Variants in GABRA1 observed in about 807,000 individuals in gnomAD.
GABRA1 encodes the protein gamma-aminobutyric acid receptor subunit alpha-1.
In GABRA1, 9 loss-of-function variants were observed where a neutral mutation model predicts 48.9. The observed-to-expected ratio is 0.18, with a 90% confidence interval of 0.11 to 0.32. The LOEUF (loss-of-function observed/expected upper bound fraction) is 0.32. GABRA1 is among the 10% of genes least tolerant of loss of function. GABRA1 has a pLI of 1.00. For synonymous variants in GABRA1, 210 were observed against 198.7 expected (o/e 1.06, Z -0.48); for missense variants, 285 against 553.8 (o/e 0.51, Z 4.87).
intron 6 of GABRA1, 53 bp downstream of exon 6, chr5:161,875,695 C>A: frequency 7.7e-7 from 1 of 1,301,408 alleles, no homozygotes; most frequent in Non-Finnish European, 1.1e-6. Context: ...AGCAAGAGAT[C>A]TCTAGCTATA....
At chr5:161,855,082 A>G (rs1395402475) in intron 3 of GABRA1, among the ~76,000 whole-genome samples, 1 of 151,610 alleles carries the variant, frequency 6.6e-6, no homozygotes, top group Non-Finnish European at 1.5e-5. Context: ...CCAAGGTTAG[A>G]ATCCATGATT....
intron 4 of GABRA1, among the ~76,000 whole-genome samples, chr5:161,866,498 A>G (rs1377641679): frequency 6.6e-6 from 1 of 152,126 alleles, no homozygotes; most frequent in Non-Finnish European, 1.5e-5. Flanking sequence ...GAAACATACC[A>G]TTATGAATAT....
chr5:161,883,846 T>C (rs1174035331), intron 7 of GABRA1, among the ~76,000 whole-genome samples: 1 of 152,116 alleles, frequency 6.6e-6, no homozygotes, highest in African/African-American at 2.4e-5. Context: ...AAGCCCTCAT[T>C]GCTAGCCCAG....
At chr5:161,861,462 G>A (rs1165174818) in intron 3 of GABRA1, among the ~76,000 whole-genome samples, 2 of 151,750 alleles carry the variant, frequency 1.3e-5, no homozygotes, top group Admixed American at 6.6e-5. Context: ...AAGATAAATA[G>A]CTCCTGCAAT....
At chr5:161,884,841 C>T (rs907433205) in intron 7 of GABRA1, among the ~76,000 whole-genome samples, 5 of 152,010 alleles carry the variant, frequency 3.3e-5, no homozygotes, top group Non-Finnish European at 7.4e-5. Flanking sequence ...TTACTATAAC[C>T]CTCTTATGCC....
intron 4 of GABRA1, among the ~76,000 whole-genome samples, chr5:161,869,400 C>T (rs1754011267): frequency 6.6e-6 from 1 of 152,132 alleles, no homozygotes; most frequent in Non-Finnish European, 1.5e-5. Flanking sequence ...GCAACTTGAA[C>T]CCAGGTTATT....
chr5:161,870,939 T>C (rs1754088212), intron 4 of GABRA1, among the ~76,000 whole-genome samples: 1 of 146,926 alleles, frequency 6.8e-6, no homozygotes, highest in Admixed American at 7.0e-5. Flanking sequence ...AACCAGCGAG[T>C]GTTGCTCTGT....
intron 6 of GABRA1, 67 bp downstream of exon 6, chr5:161,875,709 G>A: frequency 2.5e-6 from 3 of 1,212,654 alleles, no homozygotes; most frequent in Non-Finnish European, 3.7e-6. Flanking sequence ...AGCTATATCT[G>A]TGAGAAAAAC....
chr5:161,885,630 A>T (rs1277626496), intron 7 of GABRA1, among the ~76,000 whole-genome samples: 1 of 152,172 alleles, frequency 6.6e-6, no homozygotes, highest in African/African-American at 2.4e-5. Flanking sequence ...AAATCCTAGC[A>T]CAATATTTGA....
chr5:161,848,792 C>T, intron 1 of GABRA1: 2 of 300,794 alleles, frequency 6.6e-6, no homozygotes, highest in South Asian at 5.0e-5. Flanking sequence ...TATTTATTTG[C>T]AAGGGGGAGC....
intron 1 of GABRA1, chr5:161,849,934 A>C (rs147174906): frequency 2.0e-5 from 3 of 152,308 alleles, no homozygotes; most frequent in Admixed American, 2.0e-4. Context: ...GATTGATTGC[A>C]CTTTACCTAA....
intron 8 of GABRA1, among the ~76,000 whole-genome samples, 192 bp downstream of exon 8, chr5:161,891,242 T>C (rs960188272): frequency 6.6e-6 from 1 of 152,234 alleles, no homozygotes; most frequent in African/African-American, 2.4e-5. Flanking sequence ...CAAGCTGTTT[T>C]AGTATTTGTG....
At chr5:161,895,099 T>C (rs866733520) in intron 8 of GABRA1, among the ~76,000 whole-genome samples, 12 of 152,204 alleles carry the variant, frequency 7.9e-5, no homozygotes, top group South Asian at 2.1e-4. Context: ...ATATGTCAGA[T>C]TTAGGAATTT....
At chr5:161,857,796 T>C (rs1043397974) in intron 3 of GABRA1, among the ~76,000 whole-genome samples, 3 of 151,548 alleles carry the variant, frequency 2.0e-5, no homozygotes, top group Admixed American at 2.0e-4. Flanking sequence ...TTATCAGTAA[T>C]TACTGGATTC....
At chr5:161,893,044 A>G (rs1755186476) in intron 8 of GABRA1, among the ~76,000 whole-genome samples, 1 of 138,178 alleles carries the variant, frequency 7.2e-6, no homozygotes, top group African/African-American at 2.7e-5. Flanking sequence ...AATAATAATA[A>G]TAATAAAATA....
intron 7 of GABRA1, among the ~76,000 whole-genome samples, chr5:161,890,334 T>G (rs1405050907): frequency 6.6e-6 from 1 of 152,080 alleles, no homozygotes; most frequent in East Asian, 1.9e-4. Flanking sequence ...TCCTGGAAAA[T>G]AAATTTTGAG....
chr5:161,883,591 G>A (rs555867780), intron 7 of GABRA1, among the ~76,000 whole-genome samples: 1 of 152,108 alleles, frequency 6.6e-6, no homozygotes, highest in South Asian at 2.1e-4. Context: ...CGAGGGTCAA[G>A]AATTATTTTT....
intron 7 of GABRA1, among the ~76,000 whole-genome samples, 178 bp from the exon 8 acceptor site, chr5:161,890,720 T>A (rs925693223): frequency 1.3e-5 from 2 of 152,176 alleles, no homozygotes; most frequent in Admixed American, 6.5e-5. Flanking sequence ...GTCATTTTAC[T>A]GTGTGTTAAG....
intron 2 of GABRA1, among the ~76,000 whole-genome samples, chr5:161,851,915 T>G (rs1277998243): frequency 1.3e-5 from 2 of 152,152 alleles, no homozygotes; most frequent in Non-Finnish European, 2.9e-5. Flanking sequence ...TAGTGCACAG[T>G]GTTTTATTAT....
Sources: gnomAD v4.1 joint callset for allele counts (sites outside exome capture counted in the v4.1 genomes callset) on GRCh38, gnomAD v4.1.1 for gene constraint, MANE v1.5 for transcripts, NCBI Gene and HGNC (gene_info 2026-07-23, HGNC 2026-07-21) for gene names.